The following ALG13 variants were observed in gnomAD, a reference collection of about 807,000 sequenced individuals.
The protein encoded by ALG13 is ALG13 UDP-N-acetylglucosaminyltransferase subunit, also known as UDP-N-acetylglucosamine transferase subunit ALG13.
ALG13 carries 11 observed loss-of-function variants against 87.8 expected under a neutral mutation model. The ratio of observed to expected loss-of-function variants is 0.13; its 90% CI spans 0.08 to 0.21. The LOEUF is 0.21. Ranked by LOEUF, ALG13 falls within the 10% of genes least tolerant of loss-of-function variation. The pLI is 1.00. For synonymous variants in ALG13, 320 were observed against 306.3 expected, an observed-to-expected ratio of 1.04 and a Z score of -0.47; for missense variants, 756 against 866.1, an observed-to-expected ratio of 0.87 and a Z score of 1.60.
chrX:111,697,077 G>A (rs746878204), intron 3 of ALG13, among the ~76,000 whole-genome samples: 6 of 106,045 alleles, frequency 5.7e-5, no homozygotes, highest in Middle Eastern at 5.0e-3. Flanking sequence ...AAGCACGAAC[G>A]TGCTAAACAC....
chrX:111,735,112 A>G lies in ALG13; in HGVS notation c.2519A>G (p.Tyr840Cys), dbSNP rs1602807307. ...CAGGACACAGTTACCTCATACAACT[A>G]CCCCCAGAAGGTAATCCTCATAGTG... ...SPQDTVTSYN[Y>C]PQKMMGNIAA... Residue 840 changes from tyrosine (Y) to cysteine (C), a missense_variant, in exon 22 of 27, where the codon TAC becomes TGC. Physicochemically the swap from Tyr to Cys is radical, Grantham distance 194 (BLOSUM62 -2). Transcript: ENST00000394780. The G allele has an allele frequency of 1.9e-5, 22 of 1,175,141 alleles. No homozygotes were observed. The highest frequency in any genetic ancestry group is 2.5e-5 in the Non-Finnish European group (22 of 864,201).
At chrX:111,759,058 C>A (rs1945518466) in intron 26 of ALG13, among the ~76,000 whole-genome samples, 1 of 108,938 alleles carries the variant, frequency 9.2e-6, no homozygotes, top group Admixed American at 9.9e-5. Context: ...TGCAGTATAC[C>A]TTTTATAGAG....
At chrX:111,733,503 A>T (rs899136918) in intron 21 of ALG13, among the ~76,000 whole-genome samples, 1 of 111,799 alleles carries the variant, frequency 8.9e-6, no homozygotes, top group Admixed American at 9.5e-5. Flanking sequence ...TCCATGGTAT[A>T]TATGCACCAC....
chrX:111,748,976 G>C (rs754767044), intron 24 of ALG13, among the ~76,000 whole-genome samples: 7 of 110,396 alleles, frequency 6.3e-5, no homozygotes, highest in Non-Finnish European at 1.3e-4. Flanking sequence ...CTAGTTACTC[G>C]GGAGGCTGAG....
intron 2 of ALG13, among the ~76,000 whole-genome samples, chrX:111,682,543 T>G (rs1933717185): frequency 8.9e-6 from 1 of 112,214 alleles, no homozygotes; most frequent in Non-Finnish European, 1.9e-5. Context: ...ACTGTAGCCC[T>G]TTTTGAATAC....
At position 111,708,240 on chromosome X, in the gene ALG13, C is replaced by T; in HGVS notation, c.597C>T (p.Pro199=). 1 of 1,211,664 alleles carries T rather than the reference C, an allele frequency of 8.3e-7. No individual in the cohort carries two copies. The highest frequency in any genetic ancestry group is 1.1e-6 in the Non-Finnish European group (1 of 895,425). ...CTTTTTTTCCTCTCCCTCTTACCCC[C>T]ACCCTGTACAAAATGCATAAAGGAT... ...CHAFFPLPLT[P]TLYKMHKGWK... Residue 199 remains proline (P), a synonymous_variant, in exon 4 of 27, where the codon CCC becomes CCT. Coordinates refer to ENST00000394780, the MANE Select transcript of ALG13 (RefSeq NM_001099922.3).
chrX:111,747,720 C>T (rs1226386338), intron 24 of ALG13, among the ~76,000 whole-genome samples: 1 of 111,837 alleles, frequency 8.9e-6, no homozygotes. Flanking sequence ...CTCCTGACCT[C>T]GTGATCCACC....
chrX:111,689,384 A>G (rs980489091), intron 3 of ALG13: 14 of 753,683 alleles, frequency 1.9e-5, no homozygotes, highest in Non-Finnish European at 2.2e-5. Context: ...ATAGTTTATG[A>G]TGAAGAATTA....
chrX:111,712,819 AC>A (rs1158050149), intron 7 of ALG13, among the ~76,000 whole-genome samples: 1 of 111,875 alleles, frequency 8.9e-6, no homozygotes, highest in Non-Finnish European at 1.9e-5. Flanking sequence ...CTTTCATGCT[AC>A]CAAAGCAAAG....
In ALG13 at chrX:111,708,032, T is replaced by C. The variant is rs1220905347; in HGVS notation, c.389T>C (p.Leu130Pro). Residue 130 changes from leucine (L) to proline (P), a missense_variant, in exon 4 of 27, where the codon CTG (leucine) becomes CCG (proline). Around this residue, in one of 9 missense-constraint regions of ALG13, gnomAD observed 153 missense variants for 168.7 expected, o/e 0.91. Transcript: ENST00000394780. ...TCTTCCTCTTCTTTTCACAGGGTCCTGACTTGTCCTGGGCAAGCCAAGTCC... is the reference window on the plus strand; with the variant it reads ...TCTTCCTCTTCTTTTCACAGGGTCCCGACTTGTCCTGGGCAAGCCAAGTCC... ...GHLFYCTCRV[L>P]TCPGQAKSIA... 2.3e-5 allele frequency: 28 copies of C among 1,205,390 alleles called. No homozygotes were observed. Among genetic ancestry groups the C allele is most frequent in the Non-Finnish European group, 2.9e-5 (26 of 892,942 alleles).
chrX:111,725,385 T>TA lies in ALG13; in HGVS notation c.1729+326dup, dbSNP rs773217898. ...GTTCTTAAGGGACTTTGTGTAAACT[T>TA]AAGCACTCATATTTGAGAGCTAAAA... On this transcript the variant is annotated intron_variant, in intron 15 of 26. Coordinates refer to ENST00000394780, the MANE Select transcript of ALG13 (RefSeq NM_001099922.3). Among the ~76,000 whole-genome samples the TA allele has an allele frequency of 4.8e-4, 54 of 111,466 alleles. No homozygotes were observed. The South Asian group carries it at 7.3e-3, about 15-fold the overall frequency.
chrX:111,746,985 T>G (rs1015493358), intron 24 of ALG13, among the ~76,000 whole-genome samples: 7 of 111,682 alleles, frequency 6.3e-5, no homozygotes, highest in Non-Finnish European at 1.3e-4. Context: ...CCCCCACATG[T>G]CCGTAGCCTT....
At chrX:111,752,401 G>A (rs762889701) in intron 24 of ALG13, among the ~76,000 whole-genome samples, 85 of 111,258 alleles carry the variant, frequency 7.6e-4, no homozygotes, top group African/African-American at 2.7e-3. Flanking sequence ...TCTTAATAAT[G>A]CTCAAACAGA....
chrX:111,716,597 T>C (rs779542765), intron 8 of ALG13, among the ~76,000 whole-genome samples: 10 of 112,264 alleles, frequency 8.9e-5, no homozygotes, highest in Non-Finnish European at 1.1e-4. Context: ...GAGAAACTTA[T>C]AACTTAAACT....
intron 11 of ALG13, among the ~76,000 whole-genome samples, chrX:111,721,143 A>G (rs1376383048): frequency 2.0e-5 from 1 of 50,733 alleles, no homozygotes; most frequent in African/African-American, 7.4e-5. Context: ...CATAGAAGGA[A>G]GAAACTTAAT....
intron 8 of ALG13, among the ~76,000 whole-genome samples, chrX:111,715,060 A>G (rs1332063010): frequency 8.9e-6 from 1 of 112,069 alleles, no homozygotes; most frequent in African/African-American, 3.2e-5. Flanking sequence ...TGTACCCACC[A>G]CTTAGTTCCT....
chrX:111,698,626 C>T (rs983104987), intron 3 of ALG13, among the ~76,000 whole-genome samples: 1 of 111,802 alleles, frequency 8.9e-6, no homozygotes, highest in Non-Finnish European at 1.9e-5. Flanking sequence ...TCTTTCTGTG[C>T]CTGGCTTATT....
At chrX:111,691,650 C>G (rs1386768829) in intron 3 of ALG13, among the ~76,000 whole-genome samples, 1 of 112,304 alleles carries the variant, frequency 8.9e-6, no homozygotes, top group Non-Finnish European at 1.9e-5. Flanking sequence ...CAGTATACTT[C>G]CATCCTTTAT....
intron 23 of ALG13, among the ~76,000 whole-genome samples, chrX:111,742,778 A>G (rs781434409): frequency 5.3e-5 from 6 of 112,755 alleles, no homozygotes; most frequent in African/African-American, 1.9e-4. Context: ...ATCTTATTGT[A>G]TATATTTATG....
Sources: allele counts gnomAD v4.1 joint callset (sites outside exome capture counted in the v4.1 genomes callset), GRCh38; gene constraint gnomAD v4.1.1; regional missense constraint gnomAD v4.1.1; transcripts MANE v1.5; gene names NCBI Gene and HGNC (gene_info 2026-07-23, HGNC 2026-07-21).